ANKRD13C: variants seen among roughly 807,000 people sequenced by gnomAD.
ANKRD13C encodes ankyrin repeat domain 13C.
In ANKRD13C, 16 loss-of-function variants were observed where a neutral mutation model predicts 65.5. That is an observed-to-expected ratio of 0.24 (90% CI 0.17 to 0.37). The LOEUF (loss-of-function observed/expected upper bound fraction) is 0.37, where lower values mean the gene tolerates loss of function less well. Among genes scored for constraint, ANKRD13C ranks in the 10% least tolerant of loss-of-function variants. The probability of loss-of-function intolerance (pLI) is 1.00; values close to 1 mark genes in which losing one functional copy is unlikely to be tolerated. For missense variants in ANKRD13C, 503 were observed against 655.9 expected (o/e 0.77, Z 2.55); for synonymous variants, 235 against 238.7 (o/e 0.98, Z 0.14).
intron 5 of ANKRD13C, 112 bp downstream of exon 5, chr1:70,313,633 C>A: frequency 1.3e-6 from 1 of 754,560 alleles, no homozygotes; most frequent in Non-Finnish European, 2.2e-6. Context: ...AAATACTTTT[C>A]CTCACAGCAA....
chr1:70,292,141 T>C, intron 9 of ANKRD13C: 1 of 256,244 alleles, frequency 3.9e-6, no homozygotes, highest in Non-Finnish European at 7.2e-6. Flanking sequence ...TAACATTAGG[T>C]TTCACGCTTT....
chr1:70,321,839 G>A (rs1681321255), intron 3 of ANKRD13C, among the ~76,000 whole-genome samples: 1 of 152,012 alleles, frequency 6.6e-6, no homozygotes, highest in African/African-American at 2.4e-5. Context: ...TCTGTTTTGT[G>A]GTACAAGAAT....
chr1:70,279,500 C>CTTTTTTT (rs757385338), intron 9 of ANKRD13C, among the ~76,000 whole-genome samples: 4 of 101,282 alleles, frequency 3.9e-5, no homozygotes, highest in Non-Finnish European at 8.0e-5. Context: ...TTTTGAGCTA[C>CTTTTTTT]TTTTTTTTTT....
chr1:70,315,154 T>C (rs1681021960), intron 4 of ANKRD13C, among the ~76,000 whole-genome samples: 1 of 152,138 alleles, frequency 6.6e-6, no homozygotes. Context: ...CTGCCACTTC[T>C]AGTAGCAATG....
In ANKRD13C at chr1:70,261,225, G is replaced by C. The variant is rs1273020970; in HGVS notation, c.*1492C>G. The C allele has an allele frequency of 2.6e-5, 4 of 152,048 alleles. No homozygotes were observed. The highest frequency in any genetic ancestry group is 5.9e-5 in the Non-Finnish European group (4 of 67,952). 9.4% of individuals were successfully genotyped at this position (152,048 alleles called of 1,614,324 possible). ...GTCAACATACGCAATGCATGTATCA[G>C]TATGGAAGATGCAGCTTTAAAGATG... On this transcript the variant is annotated 3_prime_UTR_variant, in exon 13 of 13. Coordinates refer to ENST00000370944, the MANE Select transcript of ANKRD13C (RefSeq NM_030816.5).
intron 8 of ANKRD13C, among the ~76,000 whole-genome samples, chr1:70,295,372 C>T (rs938541522): frequency 6.6e-5 from 10 of 152,050 alleles, no homozygotes; most frequent in African/African-American, 2.2e-4. Flanking sequence ...CTCAGCCTTC[C>T]GAGTAGCTGG....
intron 5 of ANKRD13C, among the ~76,000 whole-genome samples, chr1:70,307,606 G>A (rs1369299653): frequency 1.3e-5 from 2 of 151,986 alleles, no homozygotes; most frequent in Admixed American, 6.6e-5. Flanking sequence ...GAATATTAAC[G>A]AATTGTTGCC....
chr1:70,300,260 C>T (rs190471705), intron 7 of ANKRD13C, among the ~76,000 whole-genome samples: 52 of 152,050 alleles, frequency 3.4e-4, no homozygotes, highest in African/African-American at 1.2e-3. Flanking sequence ...CTCAATGGAC[C>T]GGTCAAGATG....
chr1:70,269,159 AAAG>A (rs909278501), intron 12 of ANKRD13C, among the ~76,000 whole-genome samples: 28 of 152,178 alleles, frequency 1.8e-4, no homozygotes, highest in African/African-American at 6.5e-4. Context: ...GGTTGGTTCA[AAAG>A]AAGGACAGAG....
intron 12 of ANKRD13C, among the ~76,000 whole-genome samples, chr1:70,268,587 T>C (rs544704895): frequency 3.3e-4 from 50 of 152,294 alleles, no homozygotes; most frequent in Middle Eastern, 3.4e-3. Context: ...AAGGTTGGGC[T>C]TGGGGCAGAA....
At position 70,271,389 on chromosome 1, in the gene ANKRD13C, T is replaced by C. The variant is rs147481590; in HGVS notation, c.1395-433A>G. Among the ~76,000 whole-genome samples the C allele has an allele frequency of 1.1e-3, 166 of 152,354 alleles. 1 individual carries two copies. The highest frequency in any genetic ancestry group is 0.01 in the Middle Eastern group (3 of 294). On this transcript the variant is annotated intron_variant, in intron 11 of 12. Coordinates refer to ENST00000370944, the MANE Select transcript of ANKRD13C (RefSeq NM_030816.5). Reference sequence around the variant, plus strand: ...TCTTTCCTTCTGAACTACAATTTCATAATATCTCTTAGCATTCTATATCAT... The same window carrying C: ...TCTTTCCTTCTGAACTACAATTTCACAATATCTCTTAGCATTCTATATCAT...
At chr1:70,332,536 G>A (rs916471437) in intron 2 of ANKRD13C, among the ~76,000 whole-genome samples, 1 of 151,750 alleles carries the variant, frequency 6.6e-6, no homozygotes, top group East Asian at 1.9e-4. Context: ...GTATGATCTC[G>A]GCTCACTGCA....
chr1:70,296,007 AAGAG>A, intron 8 of ANKRD13C, 119 bp downstream of exon 8: 2 of 1,087,912 alleles, frequency 1.8e-6, no homozygotes, highest in South Asian at 3.5e-5. Flanking sequence ...GGATTCAAGG[AAGAG>A]AGAAAAAAAC....
At position 70,354,272 on chromosome 1, in the gene ANKRD13C, C is replaced by T. The variant is rs747140495; in HGVS notation, c.137G>A (p.Gly46Asp). The change falls in exon 1 of 13, where the codon GGC becomes GAC. Residue 46 changes from glycine to aspartate, a missense_variant. Physicochemically the swap from Gly to Asp is moderately conservative, Grantham distance 94. This residue lies in a region of ANKRD13C where 203 missense variants were observed against 177.6 expected (regional missense o/e 1.14). Coordinates refer to ENST00000370944, the MANE Select transcript of ANKRD13C (RefSeq NM_030816.5). ...GTFTRSRIGK[G>D]GKACHKIFSN... ...GAAGATCTTATGACAAGCTTTGCCG[C>T]CCTTGCCAATCCTGCTTCTGGTAAA... 1 of 1,613,824 alleles carries T rather than the reference C, an allele frequency of 6.2e-7. No homozygotes were observed. Among genetic ancestry groups the T allele is most frequent in the African/African-American group, 1.3e-5 (1 of 75,064 alleles).
chr1:70,287,638 G>C (rs751036556), intron 9 of ANKRD13C, among the ~76,000 whole-genome samples: 12 of 152,092 alleles, frequency 7.9e-5, no homozygotes, highest in Non-Finnish European at 1.3e-4. Context: ...TTGAGAAGAT[G>C]AAAAGACAAG....
intron 4 of ANKRD13C, among the ~76,000 whole-genome samples, chr1:70,315,259 T>C (rs1681027336): frequency 6.6e-6 from 1 of 152,184 alleles, no homozygotes; most frequent in Non-Finnish European, 1.5e-5. Flanking sequence ...AGAGCTCTTA[T>C]CTAATTTATT....
chr1:70,262,529 ATGGCACATC>A lies in ANKRD13C; in HGVS notation c.*179_*187del. On this transcript the variant is annotated 3_prime_UTR_variant, in exon 13 of 13. Transcript: ENST00000370944. ...ATGTATATTTTTAAAAAGACAAAAA[ATGGCACATC>A]AGAAAACTCGCTGAAATTCTTATTA... 1 of 473,110 alleles carries A rather than the reference ATGGCACATC, an allele frequency of 2.1e-6. No homozygotes were observed. Among genetic ancestry groups the A allele is most frequent in the Non-Finnish European group, 3.5e-6 (1 of 281,902 alleles). 29.3% of individuals were successfully genotyped at this position (473,110 alleles called of 1,614,324 possible).
chr1:70,275,495 T>C (rs1227103640), intron 10 of ANKRD13C, among the ~76,000 whole-genome samples: 2 of 151,614 alleles, frequency 1.3e-5, no homozygotes, highest in African/African-American at 4.8e-5. Context: ...TCAGGTTGCC[T>C]GGAATGTCCT....
intron 9 of ANKRD13C, among the ~76,000 whole-genome samples, chr1:70,282,335 A>C (rs892684926): frequency 6.6e-6 from 1 of 151,822 alleles, no homozygotes. Context: ...GATTACAGAC[A>C]TGAGACACCG....
Sources: gnomAD v4.1 joint callset for allele counts (sites outside exome capture counted in the v4.1 genomes callset) on GRCh38, gnomAD v4.1.1 for gene constraint, gnomAD v4.1.1 regional missense constraint, MANE v1.5 for transcripts, NCBI Gene and HGNC (gene_info 2026-07-23, HGNC 2026-07-21) for gene names.